LRP1: variants seen among roughly 807,000 people sequenced by gnomAD.
The protein encoded by LRP1 is prolow-density lipoprotein receptor-related protein 1.
In LRP1, 51 loss-of-function variants were observed where a neutral mutation model predicts 541.5. The observed-to-expected ratio is 0.09, with a 90% CI of 0.08 to 0.12. The LOEUF is 0.12. Ranked by LOEUF, LRP1 falls within the 10% of genes least tolerant of loss-of-function variation. LRP1 has a pLI of 1.00. For synonymous variants in LRP1, 2,219 were observed against 2,470.8 expected, an observed-to-expected ratio of 0.90 and a Z score of 3.02; for missense variants, 3,878 against 6,376.2, an observed-to-expected ratio of 0.61 and a Z score of 13.34.
Position 57,184,844 on chromosome 12 carries a change from G to A in LRP1, c.6192G>A (p.Gly2064=), listed in dbSNP as rs763529805. 18 of 1,612,264 alleles carry A rather than the reference G, an allele frequency of 1.1e-5. No individual in the cohort carries two copies. The South Asian group carries it at 1.9e-4, about 17-fold the overall frequency. Reference sequence around the variant, plus strand: ...TGGGTGCCTCTGGCCTGTAGGATGGGAAGCTGTACTGGTGCGATGCACGGA... The same window carrying A: ...TGGGTGCCTCTGGCCTGTAGGATGGAAAGCTGTACTGGTGCGATGCACGGA... ...PNGISVDYQD[G]KLYWCDARTD... is the part of the protein sequence containing the mutation. Residue 2064 remains glycine (G), a synonymous_variant, in exon 39 of 89, where the codon GGG becomes GGA. Coordinates refer to ENST00000243077, the MANE Select transcript of LRP1 (RefSeq NM_002332.3). The surrounding 1 kb of genome is among the most constrained non-coding windows in gnomAD (Gnocchi z 7.8).
chr12:57,161,149 T>A, intron 13 of LRP1, 34 bp downstream of exon 13: 1 of 1,597,912 alleles, frequency 6.3e-7, no homozygotes, highest in Non-Finnish European at 8.5e-7. Context: ...GGGGAATCTG[T>A]GTGTGTTGCT....
intron 68 of LRP1, 48 bp downstream of exon 68, chr12:57,202,585 C>A: frequency 7.0e-7 from 1 of 1,421,062 alleles, no homozygotes; most frequent in Non-Finnish European, 9.5e-7. Flanking sequence ...CCAGGCCTGG[C>A]CCTTGTCTCG....
intron 2 of LRP1, among the ~76,000 whole-genome samples, chr12:57,139,999 C>T (rs543853911): frequency 1.9e-4 from 29 of 152,370 alleles, no homozygotes; most frequent in African/African-American, 6.0e-4. Context: ...ACTCACACAC[C>T]GTGTCCAGGC....
In LRP1 at chr12:57,201,754, C is replaced by T. The variant is rs764090111; in HGVS notation, c.10469-26C>T. On this transcript the variant is annotated intron_variant, in intron 66 of 88. Transcript: ENST00000243077. This position sits in a 1 kb window ranked among gnomAD's most constrained non-coding sequence, Gnocchi z 6.4. The stretch of plus-strand genomic sequence containing the variant: ...GCACACTCCTGGAAGGAGTCTCATC[C>T]TCACCCCATGCCCACCCGCTTGCAG... 1 of 1,612,988 alleles carries T rather than the reference C, an allele frequency of 6.2e-7. No homozygotes were observed. The highest frequency in any genetic ancestry group is 1.1e-5 in the South Asian group (1 of 90,988).
intron 76 of LRP1, 42 bp from the exon 77 acceptor site, chr12:57,207,996 G>A (rs774755359): frequency 2.5e-6 from 4 of 1,597,846 alleles, no homozygotes; most frequent in Non-Finnish European, 3.4e-6. Flanking sequence ...ATAATGGCAG[G>A]AAGACAAAGC....
chr12:57,166,678 G>A (rs1406119639), intron 17 of LRP1, among the ~76,000 whole-genome samples: 1 of 152,214 alleles, frequency 6.6e-6, no homozygotes, highest in African/African-American at 2.4e-5. Context: ...GCTTGCAGGG[G>A]ACAGAGCATA....
chr12:57,172,585 A>G (rs1426925720), intron 20 of LRP1, among the ~76,000 whole-genome samples: 1 of 152,104 alleles, frequency 6.6e-6, no homozygotes, highest in Non-Finnish European at 1.5e-5. Context: ...CTCGCTCTTC[A>G]TGCAGGCCTC....
intron 3 of LRP1, among the ~76,000 whole-genome samples, 195 bp downstream of exon 3, chr12:57,141,706 A>G (rs2035295912): frequency 6.6e-6 from 1 of 151,930 alleles, no homozygotes; most frequent in African/African-American, 2.4e-5. Context: ...TGTGGGCCTC[A>G]GCCGTGGGCT....
Position 57,213,201 on chromosome 12 carries a change from C to A in LRP1, c.*646C>A, listed in dbSNP as rs2036955680. ...GGTAAACATTCCTCCAGCCTCCCCT[C>A]CCCTGGGGACGCCAAGGAGGTGGGC... On this transcript the variant is annotated 3_prime_UTR_variant, in exon 89 of 89. Transcript: ENST00000243077. 6.6e-6 allele frequency: 1 copy of A among 151,988 alleles called. No individual in the cohort carries two copies. The highest frequency in any genetic ancestry group is 6.5e-5 in the Admixed American group (1 of 15,280). The allele number at this position is 151,988 out of a possible 1,614,324, so 9.4% of individuals were successfully genotyped here. A position where few individuals can be genotyped will look rare whatever the true frequency, so the allele number is the denominator to read the frequency against.
chr12:57,201,228 C>T lies in LRP1; in HGVS notation c.10345+75C>T. ...CAGGGCAGGCAGAATCTCCCCACAG[C>T]TTTGAGAGGCTCTCAAATAACTTTA... On this transcript the variant is annotated intron_variant, in intron 65 of 88. Transcript: ENST00000243077. This position sits in a 1 kb window ranked among gnomAD's most constrained non-coding sequence, Gnocchi z 6.4. 1 of 1,590,004 alleles carries T rather than the reference C, an allele frequency of 6.3e-7. No homozygotes were observed. Among genetic ancestry groups the T allele is most frequent in the Non-Finnish European group, 8.6e-7 (1 of 1,163,038 alleles).
chr12:57,202,381 C>T (rs1307533886), intron 67 of LRP1, 40 bp from the exon 68 acceptor site: 2 of 1,463,372 alleles, frequency 1.4e-6, no homozygotes, highest in East Asian at 2.3e-5. Context: ...ATGTCTGCCC[C>T]AGCCCTTTCC....
At chr12:57,155,818 G>A (rs2035606926) in intron 8 of LRP1, among the ~76,000 whole-genome samples, 1 of 152,140 alleles carries the variant, frequency 6.6e-6, no homozygotes, top group South Asian at 2.1e-4. Flanking sequence ...AGGTGTGGTG[G>A]TATGTTCCTG....
intron 79 of LRP1, 88 bp downstream of exon 79, chr12:57,209,287 T>G (rs2036856063): frequency 9.6e-7 from 1 of 1,042,886 alleles, no homozygotes; most frequent in Non-Finnish European, 1.5e-6. Context: ...CTTCAATGCC[T>G]CCCATCCTTT....
rs1163717671 is a variant in LRP1, at chr12:57,154,338, C to T, written c.972C>T (p.Asn324=). The change falls in exon 7 of 89, where the codon AAC becomes AAT. Residue 324 remains asparagine (N), a synonymous_variant. Coordinates refer to ENST00000243077, the MANE Select transcript of LRP1 (RefSeq NM_002332.3). The surrounding 1 kb of genome is among the most constrained non-coding windows in gnomAD (Gnocchi z 4.6). ...CVTLLDLELY[N]PKGIALDPAM... is the part of the protein sequence containing the mutation. ...CATTGCTAGACCTGGAACTCTACAA[C>T]CCCAAGGGCATTGCCCTGGACCCTG... 8 of 1,613,834 alleles carry T rather than the reference C, an allele frequency of 5.0e-6. No homozygotes were observed. The highest frequency in any genetic ancestry group is 6.8e-6 in the Non-Finnish European group (8 of 1,179,828).
Position 57,167,499 on chromosome 12 carries a change from C to T in LRP1, c.2970C>T (p.Ile990=). 2.5e-6 allele frequency: 4 copies of T among 1,614,100 alleles called. No individual in the cohort carries two copies. Among genetic ancestry groups the T allele is most frequent in the Non-Finnish European group, 3.4e-6 (4 of 1,179,956 alleles). Residue 990 remains isoleucine (I), a synonymous_variant, in exon 19 of 89, where the codon ATC becomes ATT. Transcript: ENST00000243077. Reference sequence around the variant, plus strand: ...TTACCTGCAACAATGGCAGATGTATCAACATCAACTGGAGATGCGACAATG... The same window carrying T: ...TTACCTGCAACAATGGCAGATGTATTAACATCAACTGGAGATGCGACAATG... ...TQFTCNNGRC[I]NINWRCDNDN...
intron 34 of LRP1, among the ~76,000 whole-genome samples, chr12:57,182,922 G>A (rs1196774533): frequency 6.6e-6 from 1 of 152,220 alleles, no homozygotes; most frequent in Non-Finnish European, 1.5e-5. Flanking sequence ...AGTTTTTGAT[G>A]TTGGAGAGAG....
In LRP1 at chr12:57,185,477, C is replaced by A. The variant is rs185534116; in HGVS notation, c.6464-54C>A. On this transcript the variant is annotated intron_variant, in intron 40 of 88. Coordinates refer to ENST00000243077, the MANE Select transcript of LRP1 (RefSeq NM_002332.3). This position sits in a 1 kb window ranked among gnomAD's most constrained non-coding sequence, Gnocchi z 4.9. The stretch of plus-strand genomic sequence containing the variant: ...CGCCAAAGCCTGGATGACAAAGGCA[C>A]CAGTGAGCCTTTCCCAAGGCAGGCC... 4.0e-6 allele frequency: 6 copies of A among 1,518,894 alleles called. No individual in the cohort carries two copies. In the Admixed American group the frequency reaches 1.2e-4, roughly 31 times the overall value. 94.1% of individuals were successfully genotyped at this position (1,518,894 alleles called of 1,614,324 possible).
chr12:57,141,204 G>A (rs1369180011), intron 2 of LRP1, among the ~76,000 whole-genome samples, 170 bp from the exon 3 acceptor site: 1 of 152,172 alleles, frequency 6.6e-6, no homozygotes, highest in Non-Finnish European at 1.5e-5. Flanking sequence ...ACAGGTGTGT[G>A]GCTACTGTGG....
At chr12:57,202,089 A>G in intron 67 of LRP1, 184 bp downstream of exon 67, 1 of 725,160 alleles carries the variant, frequency 1.4e-6, no homozygotes, top group South Asian at 1.7e-5. Context: ...CCCCACATCC[A>G]CCCGTGCCCC....
Sources: gnomAD v4.1 joint callset for allele counts (sites outside exome capture counted in the v4.1 genomes callset) on GRCh38, gnomAD v4.1.1 for gene constraint, Gnocchi (gnomAD v3.1) non-coding constraint, MANE v1.5 for transcripts, NCBI Gene and HGNC (gene_info 2026-07-23, HGNC 2026-07-21) for gene names.